The following MREG variants were observed in gnomAD, a reference collection of about 807,000 sequenced individuals.
The protein encoded by MREG is melanoregulin.
In MREG, 31 loss-of-function variants were observed where a neutral mutation model predicts 28.5. The observed-to-expected ratio is 1.09, with a 90% CI of 0.82 to 1.47. The LOEUF (loss-of-function observed/expected upper bound fraction) is 1.47. Among genes scored for constraint, MREG ranks in the 40% most tolerant of loss-of-function variants. The pLI is 0.00. For missense variants in MREG, 256 were observed against 257.4 expected (o/e 0.99, Z 0.04); for synonymous variants, 106 against 95.2 (o/e 1.11, Z -0.66).
intron 2 of MREG, among the ~76,000 whole-genome samples, chr2:215,982,250 A>G (rs3770541): frequency 0.19 from 28,021 of 151,428 alleles, 3,343 homozygotes; most frequent in East Asian, 0.39. Context: ...GAACCTGGGA[A>G]GCAGAGGTTG....
chr2:215,978,643 T>C (rs1693325829), intron 2 of MREG, among the ~76,000 whole-genome samples: 1 of 152,170 alleles, frequency 6.6e-6, no homozygotes, highest in East Asian at 1.9e-4. Flanking sequence ...AATAAAATAC[T>C]GGCAAACCGA....
At position 216,013,107 on chromosome 2, in the gene MREG, G is replaced by A. The variant is rs1431467671; in HGVS notation, c.95+126C>T. 40 of 751,028 alleles carry A rather than the reference G, an allele frequency of 5.3e-5. No homozygotes were observed. In the Admixed American group the frequency reaches 8.9e-4, roughly 17 times the overall value. 46.5% of individuals were successfully genotyped at this position (751,028 alleles called of 1,614,324 possible). ...CCATAAGGAACCAAGGGGCTGAGAT[G>A]GCGCCTCCGCGTGCCCTTCCAGCAA... On this transcript the variant is annotated intron_variant, in intron 1 of 4. Transcript: ENST00000263268.
rs1559184971 is a variant in MREG, at chr2:215,979,475, ATAATAATAATAAT to A, written c.255+16818_255+16830del. 2.7e-4 allele frequency among the ~76,000 whole-genome samples: 32 copies of A among 119,084 alleles called. 1 individual carries two copies. The highest frequency in any genetic ancestry group is 1.1e-3 in the African/African-American group (32 of 30,028). 78.1% of individuals were successfully genotyped at this position (119,084 alleles called of 152,430 possible). The stretch of plus-strand genomic sequence containing the variant: ...TGAAACTCCATCTCAAAAAATAATA[ATAATAATAATAAT>A]AATAATAATAATAATAATAATAATA... On this transcript the variant is annotated intron_variant, in intron 2 of 4. Coordinates refer to ENST00000263268, the MANE Select transcript of MREG (RefSeq NM_018000.3).
chr2:215,961,186 G>A (rs1223226742), intron 2 of MREG, among the ~76,000 whole-genome samples: 2 of 152,242 alleles, frequency 1.3e-5, no homozygotes, highest in African/African-American at 4.8e-5. Context: ...AGACTTAGAG[G>A]GGCCGTCAAT....
At chr2:216,023,139 G>C (rs1255982488) in intron 1 of MREG, among the ~76,000 whole-genome samples, 1 of 152,146 alleles carries the variant, frequency 6.6e-6, no homozygotes, top group African/African-American at 2.4e-5. Context: ...CCAAAGTAAA[G>C]ACAGCAGGTG....
chr2:216,029,497 G>A (rs1694647701), intron 1 of MREG, among the ~76,000 whole-genome samples: 1 of 152,156 alleles, frequency 6.6e-6, no homozygotes, highest in East Asian at 1.9e-4. Flanking sequence ...TGAGGCTGCT[G>A]AGTTAGGACG....
In MREG at chr2:216,013,525, T is replaced by G; in HGVS notation, c.-198A>C. 1 of 175,228 alleles carries G rather than the reference T, an allele frequency of 5.7e-6. No individual in the cohort carries two copies. The highest frequency in any genetic ancestry group is 1.2e-5 in the Non-Finnish European group (1 of 83,204). 10.9% of individuals were successfully genotyped at this position (175,228 alleles called of 1,614,324 possible). A position where few individuals can be genotyped will look rare whatever the true frequency, so the allele number is the denominator to read the frequency against. ...CTGCAGGCCGCGCGCCCTCCTCTCC[T>G]TGCGTTTTGTTTGGGGCGTGAGTTT... On this transcript the variant is annotated 5_prime_UTR_variant, in exon 1 of 5. Coordinates refer to ENST00000263268, the MANE Select transcript of MREG (RefSeq NM_018000.3).
intron 1 of MREG, among the ~76,000 whole-genome samples, chr2:215,999,736 G>A (rs1375989458): frequency 6.6e-6 from 1 of 152,196 alleles, no homozygotes; most frequent in Non-Finnish European, 1.5e-5. Flanking sequence ...GCAGCCCATG[G>A]TGGGAGGCAC....
At chr2:215,945,084 A>C in intron 4 of MREG, 87 bp from the exon 5 acceptor site, 1 of 1,343,028 alleles carries the variant, frequency 7.4e-7, no homozygotes, top group Non-Finnish European at 1.0e-6. Context: ...AACAACAACA[A>C]AACCCACCCT....
At position 215,947,010 on chromosome 2, in the gene MREG, C is replaced by G. The variant is rs903671765; in HGVS notation, c.346+13G>C. 1 of 1,494,262 alleles carries G rather than the reference C, an allele frequency of 6.7e-7. No individual in the cohort carries two copies. The highest frequency in any genetic ancestry group is 1.7e-5 in the Admixed American group (1 of 59,482). The allele number at this position is 1,494,262 out of a possible 1,614,324, so 92.6% of individuals were successfully genotyped here. ...AGTTATTTTTACCATTTCACAATCT[C>G]TTTTAGACTTACCTAAATCTTCTAA... On this transcript the variant is annotated intron_variant, in intron 3 of 4. Transcript: ENST00000263268.
At chr2:215,983,853 C>T (rs1484441267) in intron 2 of MREG, among the ~76,000 whole-genome samples, 1 of 152,168 alleles carries the variant, frequency 6.6e-6, no homozygotes, top group African/African-American at 2.4e-5. Flanking sequence ...TGTCAGCATA[C>T]AATTACTTAA....
At chr2:216,015,397 C>T (rs56039395), upstream of MREG, among the ~76,000 whole-genome samples, 1,126 of 152,064 alleles carry the variant, frequency 7.4e-3, 21 homozygotes, top group African/African-American at 0.026. Context: ...TATAGGGTAC[C>T]TGTGGGAGAA....
chr2:215,975,223 T>C (rs1433422104), intron 2 of MREG, among the ~76,000 whole-genome samples: 1 of 151,962 alleles, frequency 6.6e-6, no homozygotes, highest in African/African-American at 2.4e-5. Flanking sequence ...ATCATAACCG[T>C]CTTTCTAAGT....
intron 1 of MREG, among the ~76,000 whole-genome samples, chr2:216,027,739 GAAGGA>G (rs1473600945): frequency 2.6e-5 from 4 of 152,140 alleles, no homozygotes; most frequent in Non-Finnish European, 5.9e-5. Context: ...GACCTTGAAA[GAAGGA>G]AAGAAACAGA....
intron 2 of MREG, among the ~76,000 whole-genome samples, chr2:215,975,008 T>TATATATATATATATATATA (rs1553550371): frequency 1.9e-5 from 2 of 106,606 alleles, no homozygotes; most frequent in African/African-American, 3.2e-5. Context: ...TTTATATGAA[T>TATATATATATATATATATA]TATATATATA....
chr2:216,002,393 A>G (rs1694040068), intron 1 of MREG, among the ~76,000 whole-genome samples: 2 of 152,218 alleles, frequency 1.3e-5, no homozygotes. Context: ...CAAGGGCTGC[A>G]TGTAAAAGAC....
At chr2:215,970,703 A>G (rs1428272850) in intron 2 of MREG, among the ~76,000 whole-genome samples, 1 of 152,228 alleles carries the variant, frequency 6.6e-6, no homozygotes. Flanking sequence ...GTAGAGTGGA[A>G]GACACTTGCC....
intron 1 of MREG, among the ~76,000 whole-genome samples, chr2:216,024,892 AAAGGAAGGG>A (rs1253469474): frequency 1.3e-4 from 17 of 129,456 alleles, no homozygotes; most frequent in South Asian, 3.4e-4. Flanking sequence ...CAAAAAAAAA[AAAGGAAGGG>A]AAAGGAAGGG....
upstream of MREG, among the ~76,000 whole-genome samples, chr2:216,014,239 A>G (rs557816032): frequency 6.6e-6 from 1 of 152,252 alleles, no homozygotes; most frequent in African/African-American, 2.4e-5. Flanking sequence ...GGATGCCCAC[A>G]TGTTACTTAC....
Sources: allele counts gnomAD v4.1 joint callset (sites outside exome capture counted in the v4.1 genomes callset), GRCh38; gene constraint gnomAD v4.1.1; transcripts MANE v1.5; gene names NCBI Gene and HGNC (gene_info 2026-07-23, HGNC 2026-07-21).